Variants in SRL observed in about 807,000 individuals in gnomAD.
SRL encodes the protein sarcalumenin.
Under a neutral mutation model 39.5 loss-of-function variants are expected in SRL, and 23 were observed. The ratio of observed to expected loss-of-function variants is 0.58; its 90% CI spans 0.42 to 0.82. The LOEUF (loss-of-function observed/expected upper bound fraction) is 0.82, where lower values mean the gene tolerates loss of function less well. SRL is among the 40% of genes least tolerant of loss of function. SRL has a pLI of 0.00. For synonymous variants in SRL, 272 were observed against 237.4 expected, an observed-to-expected ratio of 1.15 and a Z score of -1.34; for missense variants, 592 against 607.8, an observed-to-expected ratio of 0.97 and a Z score of 0.27.
At chr16:4,229,275 C>G (rs1431461813) in intron 1 of SRL, among the ~76,000 whole-genome samples, 1 of 151,962 alleles carries the variant, frequency 6.6e-6, no homozygotes, top group East Asian at 1.9e-4. Context: ...AACCCCATCT[C>G]TACTGAAAAT....
chr16:4,218,684 G>C (rs993274223), intron 1 of SRL, among the ~76,000 whole-genome samples: 5 of 152,244 alleles, frequency 3.3e-5, no homozygotes, highest in African/African-American at 1.2e-4. Flanking sequence ...GCAGGTGAGA[G>C]GAAATGCCAC....
At chr16:4,227,051 A>AATGGATGGATGG (rs543919384) in intron 1 of SRL, among the ~76,000 whole-genome samples, 1,554 of 53,302 alleles carry the variant, frequency 0.029, 40 homozygotes, top group African/African-American at 0.068. Flanking sequence ...TGGATGGATG[A>AATGGATGGATGG]ATGGATGGAT....
intron 1 of SRL, among the ~76,000 whole-genome samples, chr16:4,228,563 G>C (rs182013565): frequency 6.6e-6 from 1 of 151,050 alleles, no homozygotes; most frequent in Non-Finnish European, 1.5e-5. Context: ...GTGAAACCCC[G>C]TCTCTACTAA....
chr16:4,221,211 G>T (rs968615538), intron 1 of SRL, among the ~76,000 whole-genome samples: 7 of 152,070 alleles, frequency 4.6e-5, no homozygotes, highest in African/African-American at 1.4e-4. Context: ...ACCATGTCCA[G>T]CTAATTTTTT....
chr16:4,206,733 CA>C (rs752219822), intron 1 of SRL: 20 of 444,990 alleles, frequency 4.5e-5, no homozygotes, highest in Non-Finnish European at 1.3e-5. Flanking sequence ...CTACCCTGGG[CA>C]ACAATGATGG....
In SRL at chr16:4,192,994, T is replaced by C. The variant is rs747589320; in HGVS notation, c.611-30A>G. 1.9e-6 allele frequency: 3 copies of C among 1,576,916 alleles called. No homozygotes were observed. Among genetic ancestry groups the C allele is most frequent in the Non-Finnish European group, 1.7e-6 (2 of 1,161,462 alleles). ...GGGAGACAGAAGTGAGAAGTCAAAC[T>C]GAGTAGGCCTCCCTCAAAGCCCGCG... On this transcript the variant is annotated intron_variant, in intron 5 of 5. Transcript: ENST00000399609. The surrounding 1 kb of genome is among the most constrained non-coding windows in gnomAD (Gnocchi z 4.0).
chr16:4,205,802 A>G (rs938001469), intron 1 of SRL, among the ~76,000 whole-genome samples: 1 of 151,958 alleles, frequency 6.6e-6, no homozygotes, highest in Non-Finnish European at 1.5e-5. Flanking sequence ...GCCTAGCGTG[A>G]TAGTGCATGC....
intron 1 of SRL, among the ~76,000 whole-genome samples, chr16:4,239,056 GA>G (rs530756579): frequency 6.6e-6 from 1 of 152,324 alleles, no homozygotes; most frequent in Non-Finnish European, 1.5e-5. Context: ...CAGCTGTGGG[GA>G]AAAGGCTTCT....
At chr16:4,203,873 C>T (rs576769002) in intron 2 of SRL, among the ~76,000 whole-genome samples, 88 of 152,352 alleles carry the variant, frequency 5.8e-4, no homozygotes, top group Admixed American at 7.8e-4. Context: ...CCAGCAGGCG[C>T]GCAGAACAGC....
At chr16:4,200,653 C>T (rs758611102) in intron 3 of SRL, among the ~76,000 whole-genome samples, 5 of 152,206 alleles carry the variant, frequency 3.3e-5, no homozygotes, top group Non-Finnish European at 7.4e-5. Flanking sequence ...AAGAAAAACC[C>T]TTCGGGAGGC....
At chr16:4,203,405 A>T in intron 2 of SRL, 144 bp from the exon 3 acceptor site, 1 of 641,950 alleles carries the variant, frequency 1.6e-6, no homozygotes, top group Non-Finnish European at 2.8e-6. Flanking sequence ...GCGACTGTGC[A>T]ATGTATTTGC....
Position 4,197,855 on chromosome 16 carries a change from G to T in SRL, c.320C>A (p.Ser107Tyr). Residue 107 changes from serine to tyrosine, a missense_variant, in exon 4 of 6, where the codon TCT becomes TAT. By Grantham distance (144) the Ser-to-Tyr change is moderately radical (BLOSUM62 -2). Transcript: ENST00000399609. ...CCCAAGGAGGTAGTTTATCATGGTA[G>T]ATTTACCAACACTCCACGGTCCCAG... ...LFLGPWSVGK[S>Y]TMINYLLGLE... is the part of the protein sequence containing the mutation. 6.2e-7 allele frequency: 1 copy of T among 1,614,136 alleles called. No individual in the cohort carries two copies. The highest frequency in any genetic ancestry group is 8.5e-7 in the Non-Finnish European group (1 of 1,179,980).
intron 1 of SRL, among the ~76,000 whole-genome samples, chr16:4,228,723 A>G (rs1463263259): frequency 6.6e-6 from 1 of 151,882 alleles, no homozygotes; most frequent in Non-Finnish European, 1.5e-5. Context: ...TGACAGAGCA[A>G]GACTCCGTCT....
intron 1 of SRL, among the ~76,000 whole-genome samples, chr16:4,212,518 A>G (rs1279407464): frequency 6.6e-6 from 1 of 152,144 alleles, no homozygotes; most frequent in Non-Finnish European, 1.5e-5. Context: ...TTGGCCCTGG[A>G]GCAGGGAGGC....
chr16:4,225,097 G>C (rs1381482477), intron 1 of SRL, among the ~76,000 whole-genome samples: 7 of 152,218 alleles, frequency 4.6e-5, no homozygotes, highest in African/African-American at 1.4e-4. Flanking sequence ...GGGAGGAATG[G>C]ATGGTGGAGG....
intron 3 of SRL, among the ~76,000 whole-genome samples, chr16:4,198,261 G>A (rs572036218): frequency 6.6e-6 from 1 of 152,312 alleles, no homozygotes; most frequent in African/African-American, 2.4e-5. Context: ...GGAGGACGGA[G>A]CTTCCACATG....
At chr16:4,199,937 T>C (rs2052203445) in intron 3 of SRL, among the ~76,000 whole-genome samples, 1 of 152,180 alleles carries the variant, frequency 6.6e-6, no homozygotes, top group Non-Finnish European at 1.5e-5. Flanking sequence ...CCTCAAGTGA[T>C]CCACCTGCCT....
chr16:4,212,333 C>T (rs2052403182), intron 1 of SRL, among the ~76,000 whole-genome samples: 1 of 152,158 alleles, frequency 6.6e-6, no homozygotes, highest in African/African-American at 2.4e-5. Context: ...GGCCCCAGAG[C>T]TCACTCCCCA....
In SRL at chr16:4,223,140, G is replaced by C. The variant is rs561997589; in HGVS notation, c.62-18506C>G. 1.4e-4 allele frequency among the ~76,000 whole-genome samples: 21 copies of C among 151,084 alleles called. No individual in the cohort carries two copies. The East Asian group carries it at 1.6e-3, about 11-fold the overall frequency. ...CCAGCTACTCGGGAGGCTGAGGCAGGAGAATGGCATGAACCTAGGAGGTGG... is the reference window on the plus strand; with the variant it reads ...CCAGCTACTCGGGAGGCTGAGGCAGCAGAATGGCATGAACCTAGGAGGTGG... On this transcript the variant is annotated intron_variant, in intron 1 of 5. Transcript: ENST00000399609.
Sources: allele counts gnomAD v4.1 joint callset (sites outside exome capture counted in the v4.1 genomes callset), GRCh38; gene constraint gnomAD v4.1.1; non-coding constraint Gnocchi (gnomAD v3.1); transcripts MANE v1.5; gene names NCBI Gene and HGNC (gene_info 2026-07-23, HGNC 2026-07-21).